The following CEP128 variants were observed in gnomAD, a reference collection of about 807,000 sequenced individuals.
CEP128 encodes centrosomal protein 128kDa.
A neutral mutation model predicts 156.7 loss-of-function variants in CEP128; 132 were observed. That is an observed-to-expected ratio of 0.84 (90% CI 0.73 to 0.97). CEP128 has a LOEUF of 0.97. Ranked by LOEUF, CEP128 falls within the 50% of genes least tolerant of loss-of-function variation. The pLI is 0.00. For missense variants in CEP128, 1,252 were observed against 1,281.9 expected (o/e 0.98, Z 0.36); for synonymous variants, 469 against 448.9 (o/e 1.04, Z -0.57).
chr14:80,679,728 TCTC>T (rs58595824), intron 19 of CEP128, among the ~76,000 whole-genome samples: 10,052 of 152,128 alleles, frequency 0.066, 1,083 homozygotes, highest in African/African-American at 0.23. Context: ...TGATCTTTGT[TCTC>T]CTTTTTGCCC....
chr14:80,712,189 T>C (rs1427362744), intron 19 of CEP128, among the ~76,000 whole-genome samples: 1 of 152,184 alleles, frequency 6.6e-6, no homozygotes, highest in African/African-American at 2.4e-5. Context: ...GAGTTTGAGA[T>C]GGTAAACTGT....
intron 9 of CEP128, among the ~76,000 whole-genome samples, chr14:80,853,021 T>A (rs1334781365): frequency 6.6e-6 from 1 of 151,892 alleles, no homozygotes; most frequent in Admixed American, 6.6e-5. Flanking sequence ...TAAATCAATA[T>A]ATTTAAATAC....
chr14:80,766,800 T>C (rs1900260990), intron 16 of CEP128, among the ~76,000 whole-genome samples: 2 of 152,040 alleles, frequency 1.3e-5, no homozygotes, highest in South Asian at 2.1e-4. Flanking sequence ...CATCTTTACA[T>C]ACGTCAACAA....
At chr14:80,581,473 G>T (rs1231040447) in intron 19 of CEP128, among the ~76,000 whole-genome samples, 1 of 152,146 alleles carries the variant, frequency 6.6e-6, no homozygotes, top group Non-Finnish European at 1.5e-5. Context: ...TTGTAACTGG[G>T]CAGGCAATAC....
chr14:80,613,266 C>T (rs1347022635), intron 19 of CEP128, among the ~76,000 whole-genome samples: 1 of 150,108 alleles, frequency 6.7e-6, no homozygotes, highest in Non-Finnish European at 1.5e-5. Context: ...AACTGCCGTC[C>T]GCTCAAAACT....
chr14:80,875,836 G>C (rs1888255166), intron 8 of CEP128, among the ~76,000 whole-genome samples: 1 of 152,178 alleles, frequency 6.6e-6, no homozygotes, highest in African/African-American at 2.4e-5. Flanking sequence ...AAAAATGCAG[G>C]AAGGACTGAA....
At position 80,520,818 on chromosome 14, in the gene CEP128, CTTTA is replaced by C. The variant is rs566092628; in HGVS notation, c.3072+6047_3072+6050del. 1.2e-3 allele frequency among the ~76,000 whole-genome samples: 184 copies of C among 151,370 alleles called. 1 individual carries two copies. The highest frequency in any genetic ancestry group is 8.0e-4 in the Non-Finnish European group (54 of 67,744). The stretch of plus-strand genomic sequence containing the variant: ...ATCAGCGCTTAGTTTCTTAAAGTGA[CTTTA>C]TTTATTTATTTATTTTTTGAGATGG... On this transcript the variant is annotated intron_variant, in intron 23 of 24. Coordinates refer to ENST00000555265, the MANE Select transcript of CEP128 (RefSeq NM_152446.5).
At chr14:80,638,597 T>C (rs990176971) in intron 19 of CEP128, among the ~76,000 whole-genome samples, 11 of 152,190 alleles carry the variant, frequency 7.2e-5, no homozygotes, top group African/African-American at 2.7e-4. Context: ...TCTAGAACAC[T>C]TTTCATACCA....
At chr14:80,908,806 G>C (rs956242051) in intron 4 of CEP128, among the ~76,000 whole-genome samples, 2 of 152,202 alleles carry the variant, frequency 1.3e-5, no homozygotes. Context: ...AGAAAGTCAG[G>C]TTAGGGTCAC....
intron 19 of CEP128, among the ~76,000 whole-genome samples, chr14:80,680,371 C>T (rs1369287998): frequency 6.6e-6 from 1 of 152,128 alleles, no homozygotes; most frequent in Non-Finnish European, 1.5e-5. Context: ...GACCAGCATC[C>T]CACCCTTCGT....
intron 19 of CEP128, among the ~76,000 whole-genome samples, chr14:80,599,874 T>C (rs867161989): frequency 2.0e-5 from 3 of 152,188 alleles, no homozygotes; most frequent in South Asian, 4.1e-4. Context: ...GATTGAAAAG[T>C]AGAGAAACTG....
intron 2 of CEP128, among the ~76,000 whole-genome samples, chr14:80,932,687 T>C (rs1396949521): frequency 6.6e-6 from 1 of 152,166 alleles, no homozygotes; most frequent in Non-Finnish European, 1.5e-5. Flanking sequence ...CCACTGACTC[T>C]ATGGTGAGTT....
chr14:80,649,536 C>A (rs1055438791), intron 19 of CEP128, among the ~76,000 whole-genome samples: 4 of 152,012 alleles, frequency 2.6e-5, no homozygotes, highest in Admixed American at 6.6e-5. Context: ...CAGAGCATGA[C>A]GTTCAGGTCA....
At chr14:80,958,642 G>A (rs907823616) in intron 1 of CEP128, among the ~76,000 whole-genome samples, 1 of 152,142 alleles carries the variant, frequency 6.6e-6, no homozygotes, top group Admixed American at 6.5e-5. Flanking sequence ...AGTCTTTCTT[G>A]ACAAGAAAAT....
chr14:80,815,332 C>G (rs1176209523), intron 13 of CEP128, among the ~76,000 whole-genome samples: 1 of 152,122 alleles, frequency 6.6e-6, no homozygotes, highest in African/African-American at 2.4e-5. Flanking sequence ...CATCACTAAT[C>G]ATCAGAGAAA....
Position 80,862,839 on chromosome 14 carries a change from A to G in CEP128, c.680T>C (p.Leu227Pro). 3.7e-6 allele frequency: 6 copies of G among 1,613,920 alleles called. No homozygotes were observed. The highest frequency in any genetic ancestry group is 5.1e-6 in the Non-Finnish European group (6 of 1,179,922). ...SDRVERRLQE[L>P]EREMRTEREL... ...CCTTTCTGTGCGCATCTCTCTCTCC[A>G]GTTCCTGAAGCCGCCGCTCCACCCG... Residue 227 changes from leucine to proline, a missense_variant, in exon 9 of 25, where the codon CTG (leucine) becomes CCG (proline). By Grantham distance (98) the Leu-to-Pro change is moderately conservative (BLOSUM62 -3). Coordinates refer to ENST00000555265, the MANE Select transcript of CEP128 (RefSeq NM_152446.5).
chr14:80,508,994 G>GGGAA (rs1203344887), intron 23 of CEP128, among the ~76,000 whole-genome samples: 1 of 152,046 alleles, frequency 6.6e-6, no homozygotes, highest in African/African-American at 2.4e-5. Flanking sequence ...GAAGGAGAAG[G>GGGAA]GGAAGTAAGG....
chr14:80,770,584 C>T (rs1370042032), intron 16 of CEP128, among the ~76,000 whole-genome samples: 1 of 152,050 alleles, frequency 6.6e-6, no homozygotes, highest in African/African-American at 2.4e-5. Context: ...AATGAAAACT[C>T]CTAAAAATGT....
At chr14:80,554,450 C>T (rs61981672) in intron 21 of CEP128, among the ~76,000 whole-genome samples, 24,142 of 151,888 alleles carry the variant, frequency 0.16, 2,184 homozygotes, top group East Asian at 0.19. Flanking sequence ...ATTATCTGCC[C>T]CTAGAACATT....
Sources: allele counts gnomAD v4.1 joint callset (sites outside exome capture counted in the v4.1 genomes callset), GRCh38; gene constraint gnomAD v4.1.1; transcripts MANE v1.5; gene names NCBI Gene and HGNC (gene_info 2026-07-23, HGNC 2026-07-21).